The following TASP1 variants were observed in gnomAD, a reference collection of about 807,000 sequenced individuals.
TASP1 encodes taspase 1, also known as threonine aspartase 1.
A neutral mutation model predicts 56.6 loss-of-function variants in TASP1; 16 were observed. That is an observed-to-expected ratio of 0.28 (90% CI 0.19 to 0.43). The LOEUF is 0.43. Ranked by LOEUF, TASP1 falls within the 20% of genes least tolerant of loss-of-function variation. The pLI is 1.00. For missense variants in TASP1, 393 were observed against 511.6 expected (o/e 0.77, Z 2.24); for synonymous variants, 179 against 184.2 (o/e 0.97, Z 0.23).
chr20:13,352,805 T>C, the TASP1 span, among the ~76,000 whole-genome samples: 1 of 152,190 alleles, frequency 6.6e-6, no homozygotes, highest in Non-Finnish European at 1.5e-5. Context: ...TTCTTTACAA[T>C]CCAGTCCTGA....
intron 6 of TASP1, among the ~76,000 whole-genome samples, chr20:13,572,842 C>T (rs949148421): frequency 2.6e-5 from 4 of 152,014 alleles, no homozygotes; most frequent in Admixed American, 6.6e-5. Flanking sequence ...CTCATGGATG[C>T]GAACCTCCCA....
chr20:13,387,495 ATTCTTT>A (rs368787192), downstream of TASP1, among the ~76,000 whole-genome samples: 644 of 152,150 alleles, frequency 4.2e-3, 5 homozygotes, highest in African/African-American at 0.015. Context: ...GGCTGATTTC[ATTCTTT>A]TTTATGGCTG....
the TASP1 span, among the ~76,000 whole-genome samples, chr20:13,149,597 G>A: frequency 6.6e-6 from 1 of 152,242 alleles, no homozygotes. Context: ...ATATGAGAAA[G>A]CGTGGCAACC....
intron 12 of TASP1, among the ~76,000 whole-genome samples, chr20:13,432,745 C>T (rs1368332565): frequency 6.6e-6 from 1 of 152,034 alleles, no homozygotes; most frequent in Non-Finnish European, 1.5e-5. Flanking sequence ...AACTATATAA[C>T]GTGAGCTAAA....
At chr20:13,307,792 A>G in the TASP1 span, among the ~76,000 whole-genome samples, 1 of 152,212 alleles carries the variant, frequency 6.6e-6, no homozygotes, top group African/African-American at 2.4e-5. Context: ...TCACATTTCC[A>G]ATGTGTGAAT....
rs199819862 is a variant in TASP1 at position 13,576,206 on chromosome 20, GGGGGAGGGGA to G, written c.488+4681_488+4690del. ...AACAGAGCAAGATTCCGAGACAGAA[GGGGGAGGGGA>G]GGGGAGGGGAGGGGAGGGGAGCGGA... On this transcript the variant is annotated intron_variant, in intron 6 of 13. Transcript: ENST00000337743. Among the ~76,000 whole-genome samples, 511 of 96,348 alleles carry G rather than the reference GGGGGAGGGGA, an allele frequency of 5.3e-3. 21 individuals carry two copies. The highest frequency in any genetic ancestry group is 0.017 in the African/African-American group (456 of 26,114). 63.2% of individuals were successfully genotyped at this position (96,348 alleles called of 152,430 possible). A position where few individuals can be genotyped will look rare whatever the true frequency, so the allele number is the denominator to read the frequency against.
intron 7 of TASP1, among the ~76,000 whole-genome samples, chr20:13,565,046 C>T (rs1331009359): frequency 6.6e-6 from 1 of 151,202 alleles, no homozygotes; most frequent in East Asian, 1.9e-4. Flanking sequence ...GCATAAAGGC[C>T]ATTACACAGA....
the TASP1 span, among the ~76,000 whole-genome samples, chr20:13,160,881 AG>A: frequency 6.6e-6 from 1 of 152,228 alleles, no homozygotes; most frequent in Non-Finnish European, 1.5e-5. Context: ...AGAGTGGAGA[AG>A]ATTCACAGGG....
the TASP1 span, among the ~76,000 whole-genome samples, chr20:13,257,005 A>AGT: frequency 6.6e-6 from 1 of 152,188 alleles, no homozygotes; most frequent in Non-Finnish European, 1.5e-5. Flanking sequence ...TGTGAAAGTG[A>AGT]GTGCTAGAAA....
the TASP1 span, among the ~76,000 whole-genome samples, chr20:13,340,307 C>A: frequency 6.6e-6 from 1 of 152,146 alleles, no homozygotes; most frequent in Non-Finnish European, 1.5e-5. Context: ...GGCATCATTG[C>A]AACACCGAAC....
At chr20:13,214,558 CACACAGAGAGAG>C in the TASP1 span, among the ~76,000 whole-genome samples, 2 of 114,712 alleles carry the variant, frequency 1.7e-5, no homozygotes, top group Non-Finnish European at 3.9e-5. Flanking sequence ...CACACACACA[CACACAGAGAGAG>C]AGAGAGAGAG....
At chr20:13,520,470 A>G (rs1465324340) in intron 10 of TASP1, among the ~76,000 whole-genome samples, 1 of 152,210 alleles carries the variant, frequency 6.6e-6, no homozygotes, top group African/African-American at 2.4e-5. Context: ...ACAATGCCAC[A>G]TATCTACAAC....
chr20:13,278,900 A>G, the TASP1 span, among the ~76,000 whole-genome samples: 1 of 152,168 alleles, frequency 6.6e-6, no homozygotes, highest in African/African-American at 2.4e-5. Context: ...CATGGTCTCT[A>G]CACATGTAGT....
intron 13 of TASP1, among the ~76,000 whole-genome samples, chr20:13,400,536 T>G (rs6042070): frequency 1.3e-3 from 197 of 152,368 alleles, no homozygotes; most frequent in African/African-American, 4.0e-3. Flanking sequence ...CCAAGTACTC[T>G]GAGCATCTCC....
At chr20:13,401,783 T>A (rs1270099064) in intron 13 of TASP1, among the ~76,000 whole-genome samples, 2 of 152,228 alleles carry the variant, frequency 1.3e-5, no homozygotes, top group African/African-American at 4.8e-5. Context: ...CAATCATTTT[T>A]AAGTACATTT....
At chr20:13,270,860 C>A in the TASP1 span, 1 of 928,582 alleles carries the variant, frequency 1.1e-6, no homozygotes, top group South Asian at 1.6e-5. Flanking sequence ...CTTAATGATT[C>A]CTGCTTAAGA....
At chr20:13,124,472 A>T in the TASP1 span, among the ~76,000 whole-genome samples, 3 of 152,010 alleles carry the variant, frequency 2.0e-5, no homozygotes, top group Admixed American at 6.6e-5. Flanking sequence ...AGGGAAGGGG[A>T]AGGAAGGAAG....
At chr20:13,302,056 G>T in the TASP1 span, among the ~76,000 whole-genome samples, 9 of 152,192 alleles carry the variant, frequency 5.9e-5, no homozygotes, top group African/African-American at 1.2e-4. Flanking sequence ...TGAAAACCGG[G>T]AGTTTAAGGT....
intron 4 of TASP1, among the ~76,000 whole-genome samples, chr20:13,592,676 GT>G: frequency 6.6e-6 from 1 of 152,110 alleles, no homozygotes; most frequent in African/African-American, 2.4e-5. Context: ...TATTGGTTTG[GT>G]TGACTTTCTG....
Sources: allele counts gnomAD v4.1 joint callset (sites outside exome capture counted in the v4.1 genomes callset), GRCh38; gene constraint gnomAD v4.1.1; transcripts MANE v1.5; gene names NCBI Gene and HGNC (gene_info 2026-07-23, HGNC 2026-07-21).